The following ARHGEF12 variants were observed in gnomAD, a reference collection of about 807,000 sequenced individuals.
The protein encoded by ARHGEF12 is Rho guanine nucleotide exchange factor 12.
Under a neutral mutation model 211.2 loss-of-function variants are expected in ARHGEF12, and 66 were observed. That is an observed-to-expected ratio of 0.31 (90% CI 0.26 to 0.38). ARHGEF12 has a LOEUF of 0.38. Among genes scored for constraint, ARHGEF12 ranks in the 10% least tolerant of loss-of-function variants. ARHGEF12 has a pLI of 1.00. For missense variants in ARHGEF12, 1,429 were observed against 1,869.5 expected, an observed-to-expected ratio of 0.76 and a Z score of 4.34; for synonymous variants, 592 against 638.4, an observed-to-expected ratio of 0.93 and a Z score of 1.09.
At chr11:120,352,347 A>C (rs927929804) in intron 1 of ARHGEF12, among the ~76,000 whole-genome samples, 3 of 152,188 alleles carry the variant, frequency 2.0e-5, no homozygotes, top group Non-Finnish European at 4.4e-5. Flanking sequence ...CCTTTTAAGA[A>C]GTTTAAGGCC....
rs572059216 is a variant in ARHGEF12, at chr11:120,465,231, G to A, written c.2614-6G>A. 10 of 1,613,902 alleles carry A rather than the reference G, an allele frequency of 6.2e-6. No homozygotes were observed. In the African/African-American group the frequency reaches 1.3e-4, roughly 22 times the overall value. On this transcript the variant is annotated splice_polypyrimidine_tract_variant and splice_region_variant and intron_variant, in intron 27 of 40. Coordinates refer to ENST00000397843, the MANE Select transcript of ARHGEF12 (RefSeq NM_015313.3). ...CTCTTTTGTGTTCTTTGCATTCTTGGCACAGTTCAGCGGACCAGGAGAGGA... is the reference window on the plus strand; with the variant it reads ...CTCTTTTGTGTTCTTTGCATTCTTGACACAGTTCAGCGGACCAGGAGAGGA...
chr11:120,423,682 C>A (rs929539076), intron 6 of ARHGEF12, among the ~76,000 whole-genome samples: 2 of 151,956 alleles, frequency 1.3e-5, no homozygotes, highest in Non-Finnish European at 2.9e-5. Flanking sequence ...AAAAGTGTCT[C>A]CAAAATTAAA....
chr11:120,392,570 A>T (rs1466128480), intron 1 of ARHGEF12, among the ~76,000 whole-genome samples: 1 of 152,184 alleles, frequency 6.6e-6, no homozygotes, highest in Non-Finnish European at 1.5e-5. Flanking sequence ...TTAAGCAGTA[A>T]CGCATTTACT....
intron 38 of ARHGEF12, among the ~76,000 whole-genome samples, 182 bp downstream of exon 38, chr11:120,480,612 G>A (rs191766019): frequency 1.3e-5 from 2 of 152,224 alleles, no homozygotes; most frequent in East Asian, 1.9e-4. Context: ...CTCATCATAG[G>A]TGCTGGGAGA....
intron 1 of ARHGEF12, among the ~76,000 whole-genome samples, chr11:120,355,270 AT>A (rs1436937794): frequency 6.6e-6 from 1 of 152,208 alleles, no homozygotes; most frequent in Non-Finnish European, 1.5e-5. Context: ...GTCACACCCA[AT>A]AAATTATTGT....
chr11:120,421,955 C>A, intron 6 of ARHGEF12, 103 bp downstream of exon 6: 1 of 843,866 alleles, frequency 1.2e-6, no homozygotes, highest in Non-Finnish European at 1.9e-6. Flanking sequence ...AAGCATCATA[C>A]TTCTATGTAT....
chr11:120,382,863 G>A (rs560096656), intron 1 of ARHGEF12, among the ~76,000 whole-genome samples: 12 of 152,318 alleles, frequency 7.9e-5, no homozygotes, highest in Admixed American at 3.3e-4. Flanking sequence ...TAAGGGGGCC[G>A]GGCGAGGCGG....
At chr11:120,396,497 TC>T (rs1944391336) in intron 1 of ARHGEF12, among the ~76,000 whole-genome samples, 1 of 152,178 alleles carries the variant, frequency 6.6e-6, no homozygotes, top group African/African-American at 2.4e-5. Flanking sequence ...GTGTCATATA[TC>T]CTCTGATGGG....
At position 120,481,488 on chromosome 11, in the gene ARHGEF12, A is replaced by G. The variant is rs1295101123; in HGVS notation, c.4466A>G (p.Glu1489Gly). The stretch of plus-strand genomic sequence containing the variant: ...GGAGCTATGGAGTATTCCTGTTTTG[A>G]GATCCAGAGTCCCTCCTCTTGTGCA... ...RWGAMEYSCFEIQSPSSCADS... is the reference protein window; with the variant it reads ...RWGAMEYSCFGIQSPSSCADS... The change falls in exon 39 of 41, where the codon GAG becomes GGG. Residue 1489 changes from glutamate (E) to glycine (G), a missense_variant. Glu to Gly is a moderately conservative substitution (Grantham distance 98). This residue lies in a region of ARHGEF12 where 467 missense variants were observed against 468.4 expected (regional missense o/e 1.00). Coordinates refer to ENST00000397843, the MANE Select transcript of ARHGEF12 (RefSeq NM_015313.3). 1.9e-6 allele frequency: 3 copies of G among 1,614,054 alleles called. No homozygotes were observed. Among genetic ancestry groups the G allele is most frequent in the Non-Finnish European group, 2.5e-6 (3 of 1,180,050 alleles).
At chr11:120,337,843 C>G in intron 1 of ARHGEF12, 1 of 985,402 alleles carries the variant, frequency 1.0e-6, no homozygotes, top group Non-Finnish European at 1.2e-6. Flanking sequence ...TTGCTGGAAG[C>G]AATGTCCAGG....
At chr11:120,415,158 T>C (rs1944993130) in intron 4 of ARHGEF12, among the ~76,000 whole-genome samples, 1 of 152,188 alleles carries the variant, frequency 6.6e-6, no homozygotes, top group Non-Finnish European at 1.5e-5. Flanking sequence ...GTAAAAGTGA[T>C]GAAAGCTGGT....
chr11:120,376,034 G>A (rs1350836401), intron 1 of ARHGEF12, among the ~76,000 whole-genome samples: 2 of 152,066 alleles, frequency 1.3e-5, no homozygotes, highest in Non-Finnish European at 2.9e-5. Context: ...GGTACTTACC[G>A]CTAACATGAT....
chr11:120,420,045 A>C (rs567378933), intron 4 of ARHGEF12, among the ~76,000 whole-genome samples: 2 of 151,974 alleles, frequency 1.3e-5, no homozygotes, highest in Admixed American at 6.6e-5. Context: ...TTTGCTGTTT[A>C]GAAGAAACAC....
At chr11:120,368,545 C>T (rs961720351) in intron 1 of ARHGEF12, among the ~76,000 whole-genome samples, 1 of 152,130 alleles carries the variant, frequency 6.6e-6, no homozygotes, top group Non-Finnish European at 1.5e-5. Flanking sequence ...GACAGCATTC[C>T]TATAAAGCAG....
rs1233786042 is a variant in ARHGEF12, at chr11:120,429,967, G to A, written c.783+136G>A. 7 of 906,026 alleles carry A rather than the reference G, an allele frequency of 7.7e-6. No individual in the cohort carries two copies. In the East Asian group the frequency reaches 2.1e-4, roughly 27 times the overall value. The allele number at this position is 906,026 out of a possible 1,614,324, so 56.1% of individuals were successfully genotyped here. Reference sequence around the variant, plus strand: ...GACAACAGGATGTCCTGTTAAGGATGTTACAGAAGTAATGATTAACAAAAA... The same window carrying A: ...GACAACAGGATGTCCTGTTAAGGATATTACAGAAGTAATGATTAACAAAAA... On this transcript the variant is annotated intron_variant, in intron 10 of 40. Coordinates refer to ENST00000397843, the MANE Select transcript of ARHGEF12 (RefSeq NM_015313.3).
intron 1 of ARHGEF12, 128 bp downstream of exon 1, chr11:120,337,403 T>C: frequency 6.5e-7 from 1 of 1,527,410 alleles, no homozygotes. Context: ...GTTTCGGAGC[T>C]GTGCAGTTAG....
chr11:120,348,448 T>G (rs1942833531), intron 1 of ARHGEF12, among the ~76,000 whole-genome samples: 1 of 152,176 alleles, frequency 6.6e-6, no homozygotes, highest in Admixed American at 6.5e-5. Flanking sequence ...ATCTGAAACT[T>G]TTTGGGTGCC....
chr11:120,392,262 C>T lies in ARHGEF12; in HGVS notation c.33-13856C>T, dbSNP rs535634586. On this transcript the variant is annotated intron_variant, in intron 1 of 40. Coordinates refer to ENST00000397843, the MANE Select transcript of ARHGEF12 (RefSeq NM_015313.3). ...GCCCACATCTTCCCATGGCTGGCTCCTTCATTTAAGTCTCAGCTTAAATGC... is the reference window on the plus strand; with the variant it reads ...GCCCACATCTTCCCATGGCTGGCTCTTTCATTTAAGTCTCAGCTTAAATGC... Among the ~76,000 whole-genome samples the T allele has an allele frequency of 2.3e-4, 35 of 152,296 alleles. No individual in the cohort carries two copies. In the South Asian group the frequency reaches 6.8e-3, roughly 30 times the overall value.
rs1947115945 is a variant in ARHGEF12 at position 120,478,236 on chromosome 11, G to T, written c.3613G>T (p.Val1205Leu). The change falls in exon 37 of 41, where the codon GTA (valine) becomes TTA (leucine). Residue 1205 changes from valine (V) to leucine (L), a missense_variant. Val to Leu is a conservative substitution (Grantham distance 32, BLOSUM62 1). Coordinates refer to ENST00000397843, the MANE Select transcript of ARHGEF12 (RefSeq NM_015313.3). ...HSLSTSGKSE[V>L]RDLFVAERQF... is the part of the protein sequence containing the mutation. ...ACTGAGTACCTCTGGGAAATCAGAG[G>T]TACGTGATCTGTTTGTGGCTGAGAG... The T allele has an allele frequency of 1.2e-6, 2 of 1,614,124 alleles. No homozygotes were observed. The highest frequency in any genetic ancestry group is 1.7e-6 in the Non-Finnish European group (2 of 1,180,012).
Sources: allele counts gnomAD v4.1 joint callset (sites outside exome capture counted in the v4.1 genomes callset), GRCh38; gene constraint gnomAD v4.1.1; regional missense constraint gnomAD v4.1.1; transcripts MANE v1.5; gene names NCBI Gene and HGNC (gene_info 2026-07-23, HGNC 2026-07-21).